Variants in TCF12 observed in about 807,000 individuals in gnomAD.
The protein encoded by TCF12 is transcription factor 12, also known as DNA-binding protein HTF4.
A neutral mutation model predicts 86.0 loss-of-function variants in TCF12; 45 were observed. That is an observed-to-expected ratio of 0.52 (90% CI 0.41 to 0.67). The LOEUF (loss-of-function observed/expected upper bound fraction) is 0.67, where lower values mean the gene tolerates loss of function less well. Ranked by LOEUF, TCF12 falls within the 30% of genes least tolerant of loss-of-function variation. The probability of loss-of-function intolerance (pLI) is 0.00; values close to 1 mark genes in which losing one functional copy is unlikely to be tolerated. For synonymous variants in TCF12, 330 were observed against 299.6 expected, an observed-to-expected ratio of 1.10 and a Z score of -1.05; for missense variants, 881 against 859.9, an observed-to-expected ratio of 1.02 and a Z score of -0.31.
chr15:57,086,640 T>C (rs1445352381), intron 4 of TCF12, among the ~76,000 whole-genome samples: 1 of 150,794 alleles, frequency 6.6e-6, no homozygotes, highest in African/African-American at 2.4e-5. Flanking sequence ...TTTGGTCTTG[T>C]TAGGGTCCAG....
rs772207009 is a variant in TCF12, at chr15:57,063,748, AG to A, written c.149del. ...ATATCTTTTATTTTCTTCTCTTTTT[AG>A]GTATTGATGAAAGAGGAGGTACAAC... On this transcript the variant is annotated splice_acceptor_variant, in intron 3 of 20. Transcript: ENST00000333725. LOFTEE classifies it high-confidence loss of function. 6.3e-7 allele frequency: 1 copy of A among 1,599,652 alleles called. No individual in the cohort carries two copies. The highest frequency in any genetic ancestry group is 8.6e-7 in the Non-Finnish European group (1 of 1,169,232).
intron 3 of TCF12, among the ~76,000 whole-genome samples, chr15:56,999,254 C>T (rs1307290915): frequency 6.6e-6 from 1 of 150,562 alleles, no homozygotes; most frequent in Non-Finnish European, 1.5e-5. Flanking sequence ...CAAATAAACC[C>T]CAGTAACAGG....
At chr15:57,090,051 CA>C (rs1366020778) in intron 4 of TCF12, among the ~76,000 whole-genome samples, 1 of 151,894 alleles carries the variant, frequency 6.6e-6, no homozygotes, top group Non-Finnish European at 1.5e-5. Flanking sequence ...CCCATCTCTT[CA>C]AAAAATTTTA....
At chr15:57,022,329 G>C (rs1224859778) in intron 3 of TCF12, among the ~76,000 whole-genome samples, 2 of 151,594 alleles carry the variant, frequency 1.3e-5, no homozygotes, top group African/African-American at 4.9e-5. Flanking sequence ...TTGGTTTTCT[G>C]TCCTTGTGAT....
intron 8 of TCF12, among the ~76,000 whole-genome samples, chr15:57,210,431 AAG>A (rs1199606401): frequency 2.0e-5 from 3 of 152,086 alleles, no homozygotes; most frequent in African/African-American, 7.2e-5. Flanking sequence ...CAGGGAGGAA[AAG>A]AGAGAGCTCC....
chr15:57,042,822 T>A (rs1263999026), intron 3 of TCF12, among the ~76,000 whole-genome samples: 1 of 152,218 alleles, frequency 6.6e-6, no homozygotes, highest in Non-Finnish European at 1.5e-5. Flanking sequence ...GTATTTAGTA[T>A]GGTATTGTTA....
intron 5 of TCF12, among the ~76,000 whole-genome samples, chr15:57,106,353 G>A (rs554295726): frequency 2.6e-5 from 4 of 152,308 alleles, no homozygotes; most frequent in African/African-American, 9.6e-5. Context: ...TGGATGAAAA[G>A]TACATGGGAA....
At chr15:57,002,357 G>A (rs1411956142) in intron 3 of TCF12, among the ~76,000 whole-genome samples, 5 of 152,154 alleles carry the variant, frequency 3.3e-5, no homozygotes, top group African/African-American at 4.8e-5. Flanking sequence ...AAAAGCCTCC[G>A]TGTTTCCTCC....
intron 12 of TCF12, among the ~76,000 whole-genome samples, chr15:57,235,953 C>A (rs2151941495): frequency 6.6e-6 from 1 of 152,166 alleles, no homozygotes; most frequent in South Asian, 2.1e-4. Context: ...ACTAGCCAAA[C>A]CAAAATGGCA....
intron 3 of TCF12, among the ~76,000 whole-genome samples, chr15:56,992,237 G>A (rs1279019649): frequency 1.3e-5 from 2 of 152,088 alleles, no homozygotes; most frequent in Non-Finnish European, 1.5e-5. Context: ...TTACACTGTA[G>A]TCTAGCCTGG....
At chr15:57,072,590 A>G in intron 4 of TCF12, 1 of 1,137,412 alleles carries the variant, frequency 8.8e-7, no homozygotes, top group Non-Finnish European at 1.1e-6. Flanking sequence ...CTAGGAGTTC[A>G]AATACAGTAA....
chr15:57,272,420 C>CA (rs570955879), intron 18 of TCF12, among the ~76,000 whole-genome samples: 3 of 152,200 alleles, frequency 2.0e-5, no homozygotes, highest in Admixed American at 1.3e-4. Flanking sequence ...ATCTCTAGAA[C>CA]AAAAAAATAG....
chr15:57,079,103 A>T (rs1247505423), intron 4 of TCF12, among the ~76,000 whole-genome samples: 2 of 152,236 alleles, frequency 1.3e-5, no homozygotes, highest in Non-Finnish European at 2.9e-5. Flanking sequence ...GTTTGGACTA[A>T]ATGTCTGAAT....
At chr15:57,180,361 C>T (rs1254374593) in intron 6 of TCF12, among the ~76,000 whole-genome samples, 1 of 152,072 alleles carries the variant, frequency 6.6e-6, no homozygotes. Flanking sequence ...GAAATTAGAA[C>T]AACAACTGCA....
rs149118659 is a variant in TCF12 at position 57,196,794 on chromosome 15, C to T, written c.527-979C>T. On this transcript the variant is annotated intron_variant, in intron 7 of 20. Transcript: ENST00000333725. ...TATAAACATTCAAGGACAAATTGTACAGTAATTAATGCTGTAGTTGTGGTT... is the reference window on the plus strand; with the variant it reads ...TATAAACATTCAAGGACAAATTGTATAGTAATTAATGCTGTAGTTGTGGTT... Among the ~76,000 whole-genome samples, 206 of 152,104 alleles carry T rather than the reference C, an allele frequency of 1.4e-3. 5 individuals are homozygous for T. In the East Asian group the frequency reaches 0.025, roughly 19 times the overall value.
At chr15:56,969,888 A>G (rs1357155196) in intron 3 of TCF12, among the ~76,000 whole-genome samples, 2 of 152,178 alleles carry the variant, frequency 1.3e-5, no homozygotes, top group Admixed American at 6.5e-5. Context: ...AGCATTTAGA[A>G]GTTGGGGTGA....
chr15:56,995,231 C>CTTTTTTTTTTTTTTTTTTTTTTTTTTTT lies in TCF12; in HGVS notation c.149-68518_149-68491dup, dbSNP rs557610511. Among the ~76,000 whole-genome samples the CTTTTTTTTTTTTTTTTTTTTTTTTTTTT allele has an allele frequency of 5.3e-4, 16 of 30,302 alleles. 6 individuals are homozygous for CTTTTTTTTTTTTTTTTTTTTTTTTTTTT. The highest frequency in any genetic ancestry group is 8.0e-4 in the Non-Finnish European group (13 of 16,184). The allele number at this position is 30,302 out of a possible 152,430, so 19.9% of individuals were successfully genotyped here. A position where few individuals can be genotyped will look rare whatever the true frequency, so the allele number is the denominator to read the frequency against. Reference sequence around the variant, plus strand: ...AAGTCAGGTAATGTGATACCTGCAGCTTTTTTTTTTTTTTTTTTTTTTTTT... The same window carrying CTTTTTTTTTTTTTTTTTTTTTTTTTTTT: ...AAGTCAGGTAATGTGATACCTGCAGCTTTTTTTTTTTTTTTTTTTTTTTTTTTTTTTTTTTTTTTTTTTTTTTTTTTTT... On this transcript the variant is annotated intron_variant, in intron 3 of 20. Coordinates refer to ENST00000333725, the MANE Select transcript of TCF12 (RefSeq NM_207037.2).
chr15:57,018,921 G>T (rs1219851863), intron 3 of TCF12, among the ~76,000 whole-genome samples: 1 of 152,322 alleles, frequency 6.6e-6, no homozygotes, highest in South Asian at 2.1e-4. Flanking sequence ...ATTCTGTGCT[G>T]AGATGTGTTG....
chr15:56,962,004 C>T (rs748535487), intron 3 of TCF12, among the ~76,000 whole-genome samples: 19 of 151,364 alleles, frequency 1.3e-4, no homozygotes, highest in Non-Finnish European at 2.4e-4. Context: ...TGGTGGCGGG[C>T]GCCTGTAGTC....
Sources: allele counts gnomAD v4.1 joint callset (sites outside exome capture counted in the v4.1 genomes callset), GRCh38; gene constraint gnomAD v4.1.1; transcripts MANE v1.5; gene names NCBI Gene and HGNC (gene_info 2026-07-23, HGNC 2026-07-21).